Variants in C12orf42 observed in about 807,000 individuals in gnomAD.
C12orf42 encodes uncharacterized protein C12orf42.
In C12orf42, 25 loss-of-function variants were observed where a neutral mutation model predicts 21.6. The ratio of observed to expected loss-of-function variants is 1.16; its 90% CI spans 0.84 to 1.62. The LOEUF (loss-of-function observed/expected upper bound fraction) is 1.62. Ranked by LOEUF, C12orf42 falls within the 40% of genes most tolerant of loss-of-function variation. C12orf42 has a pLI of 0.00. For missense variants in C12orf42, 483 were observed against 459.3 expected (o/e 1.05, Z -0.47); for synonymous variants, 174 against 175.0 (o/e 0.99, Z 0.05).
chr12:103,146,695 T>C, the C12orf42 span, among the ~76,000 whole-genome samples: 3 of 152,154 alleles, frequency 2.0e-5, no homozygotes, highest in African/African-American at 7.2e-5. Context: ...AATGTGTGCA[T>C]TACAGTAAGT....
intron 3 of C12orf42, among the ~76,000 whole-genome samples, chr12:103,382,533 A>G (rs2046274419): frequency 6.6e-6 from 1 of 152,234 alleles, no homozygotes; most frequent in African/African-American, 2.4e-5. Context: ...AATGAGATCT[A>G]CTAAAGAAGA....
intron 4 of C12orf42, among the ~76,000 whole-genome samples, chr12:103,337,495 C>T (rs868345231): frequency 6.6e-5 from 10 of 152,098 alleles, no homozygotes; most frequent in Non-Finnish European, 1.0e-4. Flanking sequence ...GGACTACAGG[C>T]GCACGCCACC....
At chr12:103,423,971 A>G (rs977610936) in intron 2 of C12orf42, among the ~76,000 whole-genome samples, 1 of 152,274 alleles carries the variant, frequency 6.6e-6, no homozygotes, top group Non-Finnish European at 1.5e-5. Context: ...GATGGATTTC[A>G]AAGTAAATGC....
chr12:103,436,987 T>A (rs1456013790), intron 2 of C12orf42, among the ~76,000 whole-genome samples: 1 of 149,734 alleles, frequency 6.7e-6, no homozygotes, highest in Non-Finnish European at 1.5e-5. Context: ...TATTCCAAAA[T>A]TGACCACATA....
chr12:103,409,580 A>T (rs1287750669), intron 2 of C12orf42, among the ~76,000 whole-genome samples: 1 of 152,172 alleles, frequency 6.6e-6, no homozygotes, highest in Non-Finnish European at 1.5e-5. Context: ...CATAAAAAAA[A>T]CTTGAAAATC....
chr12:103,263,963 C>G (rs1273396873), downstream of C12orf42, among the ~76,000 whole-genome samples: 1 of 152,134 alleles, frequency 6.6e-6, no homozygotes, highest in Non-Finnish European at 1.5e-5. Context: ...TGGCTGTTTT[C>G]TCTTCCATCC....
At chr12:103,379,419 G>A (rs746384506) in intron 3 of C12orf42, among the ~76,000 whole-genome samples, 5 of 152,016 alleles carry the variant, frequency 3.3e-5, no homozygotes, top group Non-Finnish European at 5.9e-5. Flanking sequence ...ACCATCACAC[G>A]CTTCTAACTA....
At chr12:103,172,521 C>T in the C12orf42 span, among the ~76,000 whole-genome samples, 1 of 152,042 alleles carries the variant, frequency 6.6e-6, no homozygotes, top group Non-Finnish European at 1.5e-5. Flanking sequence ...AATATTCCCC[C>T]ACTATTTATG....
chr12:103,151,721 G>A, the C12orf42 span: 1 of 152,116 alleles, frequency 6.6e-6, no homozygotes, highest in Non-Finnish European at 1.5e-5. Flanking sequence ...CAACTCTTGG[G>A]TAACCTAGTT....
the C12orf42 span, among the ~76,000 whole-genome samples, chr12:103,150,989 G>T: frequency 2.2e-4 from 33 of 152,192 alleles, no homozygotes; most frequent in Admixed American, 3.9e-4. Flanking sequence ...ACCCAGGCTG[G>T]AGTGCTTGGC....
intron 2 of C12orf42, among the ~76,000 whole-genome samples, chr12:103,458,463 G>C (rs1370840345): frequency 6.6e-6 from 1 of 151,948 alleles, no homozygotes; most frequent in African/African-American, 2.4e-5. Context: ...GCTTACCCAG[G>C]GTGTGATGCT....
At chr12:103,294,485 G>A (rs1193738526) in intron 4 of C12orf42, among the ~76,000 whole-genome samples, 1 of 128,208 alleles carries the variant, frequency 7.8e-6, no homozygotes, top group African/African-American at 3.1e-5. Flanking sequence ...AAGCAAGCAA[G>A]CAAGAAAGAA....
the C12orf42 span, among the ~76,000 whole-genome samples, chr12:103,061,624 G>C: frequency 3.3e-5 from 5 of 151,748 alleles, no homozygotes; most frequent in East Asian, 7.7e-4. Flanking sequence ...TTAATACAAA[G>C]TATTTTTCTT....
At chr12:103,370,235 G>A (rs552555850) in intron 3 of C12orf42, among the ~76,000 whole-genome samples, 1 of 152,098 alleles carries the variant, frequency 6.6e-6, no homozygotes, top group African/African-American at 2.4e-5. Flanking sequence ...AATAACAGAT[G>A]CAAGATTGCA....
intron 4 of C12orf42, among the ~76,000 whole-genome samples, chr12:103,315,991 C>T (rs963440627): frequency 1.3e-5 from 2 of 151,428 alleles, no homozygotes; most frequent in South Asian, 2.1e-4. Context: ...TATATATACA[C>T]ACACACAGAC....
intron 4 of C12orf42, among the ~76,000 whole-genome samples, chr12:103,313,703 G>A (rs1373687138): frequency 6.6e-6 from 1 of 152,178 alleles, no homozygotes; most frequent in African/African-American, 2.4e-5. Flanking sequence ...TATCGTTGTT[G>A]TTATTACTTC....
intron 5 of C12orf42, among the ~76,000 whole-genome samples, chr12:103,272,518 T>C (rs1034360813): frequency 6.6e-6 from 1 of 152,176 alleles, no homozygotes; most frequent in African/African-American, 2.4e-5. Flanking sequence ...CTGCCCCTCA[T>C]GAGAAACTGT....
chr12:103,066,865 G>A, the C12orf42 span, among the ~76,000 whole-genome samples: 3 of 152,180 alleles, frequency 2.0e-5, no homozygotes, highest in African/African-American at 7.2e-5. Flanking sequence ...TAATAGTCAA[G>A]GGGATAAAAT....
At chr12:103,466,773 T>A (rs1953170417) in intron 2 of C12orf42, among the ~76,000 whole-genome samples, 1 of 152,218 alleles carries the variant, frequency 6.6e-6, no homozygotes. Context: ...CCATGTTACT[T>A]GCTTTGGCCA....
Sources: gnomAD v4.1 joint callset for allele counts (sites outside exome capture counted in the v4.1 genomes callset) on GRCh38, gnomAD v4.1.1 for gene constraint, MANE v1.5 for transcripts, NCBI Gene and HGNC (gene_info 2026-07-23, HGNC 2026-07-21) for gene names.